The following SAMD12 variants were observed in gnomAD, a reference collection of about 807,000 sequenced individuals.
SAMD12 encodes the protein sterile alpha motif domain containing 12, also known as sterile alpha motif domain-containing protein 12.
Under a neutral mutation model 15.0 loss-of-function variants are expected in SAMD12, and 9 were observed. The ratio of observed to expected loss-of-function variants is 0.60; its 90% CI spans 0.36 to 1.05. The LOEUF (loss-of-function observed/expected upper bound fraction) is 1.05. SAMD12 is among the 50% of genes least tolerant of loss of function. SAMD12 has a pLI of 0.01. For missense variants in SAMD12, 230 were observed against 234.2 expected, an observed-to-expected ratio of 0.98 and a Z score of 0.12; for synonymous variants, 86 against 90.1, an observed-to-expected ratio of 0.96 and a Z score of 0.25.
chr8:118,558,795 G>A (rs1220414881), intron 2 of SAMD12, among the ~76,000 whole-genome samples: 3 of 151,700 alleles, frequency 2.0e-5, no homozygotes, highest in Non-Finnish European at 4.4e-5. Context: ...CTGACCTCGC[G>A]ATCCACCCGC....
At chr8:118,246,390 A>C (rs1198861930) in intron 4 of SAMD12, among the ~76,000 whole-genome samples, 1 of 152,162 alleles carries the variant, frequency 6.6e-6, no homozygotes, top group Non-Finnish European at 1.5e-5. Context: ...TTTTCTTTTC[A>C]TCAAGATATC....
intron 4 of SAMD12, among the ~76,000 whole-genome samples, chr8:118,294,111 G>T (rs957090761): frequency 6.6e-6 from 1 of 152,196 alleles, no homozygotes; most frequent in African/African-American, 2.4e-5. Flanking sequence ...GTCAGGTTAG[G>T]TGGGGAAAAC....
At chr8:118,604,286 T>C (rs1246411600) in intron 1 of SAMD12, among the ~76,000 whole-genome samples, 1 of 152,224 alleles carries the variant, frequency 6.6e-6, no homozygotes, top group Non-Finnish European at 1.5e-5. Context: ...AGAATATTTA[T>C]CTATATTTGT....
intron 2 of SAMD12, among the ~76,000 whole-genome samples, chr8:118,459,658 A>G (rs559595342): frequency 6.6e-6 from 1 of 152,318 alleles, no homozygotes; most frequent in South Asian, 2.1e-4. Flanking sequence ...TTGTTTAGTA[A>G]GTGGCCCCTA....
chr8:118,180,995 G>A, the SAMD12 span, among the ~76,000 whole-genome samples: 5 of 152,164 alleles, frequency 3.3e-5, no homozygotes, highest in East Asian at 5.8e-4. Flanking sequence ...TGTAAGATAA[G>A]CCAGAATTAA....
In SAMD12 at chr8:118,228,033, G is replaced by A. The variant is rs116371745; in HGVS notation, c.434-30301C>T. Among the ~76,000 whole-genome samples the A allele has an allele frequency of 3.3e-3, 498 of 152,294 alleles. 2 individuals are homozygous for A. Among genetic ancestry groups the A allele is most frequent in the African/African-American group, 0.011 (442 of 41,560 alleles). Reference sequence around the variant, plus strand: ...AAAGCAAACAAAAATGTAAAGTGAGGAAAGGACACCCTTTTCAACAAATGG... The same window carrying A: ...AAAGCAAACAAAAATGTAAAGTGAGAAAAGGACACCCTTTTCAACAAATGG... On this transcript the variant is annotated intron_variant, in intron 4 of 4. Transcript: ENST00000409003.
At chr8:118,561,983 G>A (rs1353356119) in intron 2 of SAMD12, among the ~76,000 whole-genome samples, 5 of 152,122 alleles carry the variant, frequency 3.3e-5, no homozygotes, top group Non-Finnish European at 5.9e-5. Context: ...CAGTAATTGA[G>A]TATAAAAGAA....
At chr8:118,175,580 T>C in the SAMD12 span, among the ~76,000 whole-genome samples, 2 of 152,100 alleles carry the variant, frequency 1.3e-5, no homozygotes, top group Non-Finnish European at 2.9e-5. Context: ...GAGAAAATAT[T>C]TACAAACTAT....
At position 118,487,654 on chromosome 8, in the gene SAMD12, T is replaced by C. The variant is rs140258286; in HGVS notation, c.193-47693A>G. 2.7e-3 allele frequency among the ~76,000 whole-genome samples: 407 copies of C among 152,330 alleles called. 7 individuals carry two copies. The highest frequency in any genetic ancestry group is 9.3e-3 in the African/African-American group (386 of 41,572). On this transcript the variant is annotated intron_variant, in intron 2 of 3. Transcript: ENST00000314727. ...AAGCACTTTCACAAATATTCTTTTG[T>C]TCCAGTTTCCCAAATGACCTCTTGA...
chr8:118,552,177 T>C (rs1284072946), intron 2 of SAMD12, among the ~76,000 whole-genome samples: 1 of 152,202 alleles, frequency 6.6e-6, no homozygotes, highest in East Asian at 1.9e-4. Context: ...ACTCATTTTA[T>C]GAGGCCAGCA....
rs1432459355 is a variant in SAMD12, at chr8:118,451,630, A to G, written c.193-11669T>C. Among the ~76,000 whole-genome samples, 6 of 152,228 alleles carry G rather than the reference A, an allele frequency of 3.9e-5. No individual in the cohort carries two copies. In the East Asian group the frequency reaches 1.2e-3, roughly 29 times the overall value. On this transcript the variant is annotated intron_variant, in intron 2 of 3. Coordinates refer to ENST00000314727, the MANE Select transcript of SAMD12 (RefSeq NM_207506.3). ...AGGGCTGATGGGCCCAAGGGATGTT[A>G]CGGTCACCATGCTGTTGGCACTGTG... is the stretch of plus-strand genomic sequence containing the variant.
chr8:118,176,594 A>T, the SAMD12 span, among the ~76,000 whole-genome samples: 1 of 152,216 alleles, frequency 6.6e-6, no homozygotes, highest in Non-Finnish European at 1.5e-5. Context: ...GTTCTCACTT[A>T]TAAGTGAGAG....
rs142385366 is a variant in SAMD12 at position 118,454,933 on chromosome 8, G to C, written c.193-14972C>G. 1.8e-3 allele frequency among the ~76,000 whole-genome samples: 273 copies of C among 152,328 alleles called. 1 individual carries two copies. Among genetic ancestry groups the C allele is most frequent in the Non-Finnish European group, 3.3e-3 (223 of 68,032 alleles). ...TCATTTCACTCAGCCTATTGTCCTA[G>C]AGGTTTCTTTATGTTGTGAAAAGTG... On this transcript the variant is annotated intron_variant, in intron 2 of 3. Coordinates refer to ENST00000314727, the MANE Select transcript of SAMD12 (RefSeq NM_207506.3).
intron 4 of SAMD12, among the ~76,000 whole-genome samples, chr8:118,264,254 T>C (rs1185725322): frequency 6.6e-6 from 1 of 152,114 alleles, no homozygotes; most frequent in African/African-American, 2.4e-5. Flanking sequence ...CTCCTCCACC[T>C]CTCTCTGTCC....
chr8:118,485,573 C>T (rs1239996468), intron 2 of SAMD12, among the ~76,000 whole-genome samples: 2 of 152,118 alleles, frequency 1.3e-5, no homozygotes, highest in African/African-American at 4.8e-5. Flanking sequence ...AGTCAATTGG[C>T]AAAATGCATA....
chr8:118,197,414 G>C, exon 5 of SAMD12: 4 of 493,140 alleles, frequency 8.1e-6, no homozygotes, highest in Non-Finnish European at 1.1e-5. Context: ...TCCCCAAAGG[G>C]AACTTGAGTT....
intron 4 of SAMD12, among the ~76,000 whole-genome samples, chr8:118,286,392 T>G (rs1814020174): frequency 6.6e-6 from 1 of 152,212 alleles, no homozygotes. Flanking sequence ...CTTGTTTCTT[T>G]GTTGGGTCTT....
At chr8:118,301,412 G>A (rs1327591626) in intron 4 of SAMD12, among the ~76,000 whole-genome samples, 3 of 152,162 alleles carry the variant, frequency 2.0e-5, no homozygotes, top group African/African-American at 4.8e-5. Flanking sequence ...AGGGTGGGCC[G>A]TTCAAAGCCA....
chr8:118,367,974 A>G (rs1170985545), intron 4 of SAMD12, among the ~76,000 whole-genome samples: 1 of 152,216 alleles, frequency 6.6e-6, no homozygotes, highest in East Asian at 1.9e-4. Flanking sequence ...CGAAACAGGA[A>G]AAGATGCTAA....
Sources: gnomAD v4.1 joint callset for allele counts (sites outside exome capture counted in the v4.1 genomes callset) on GRCh38, gnomAD v4.1.1 for gene constraint, MANE v1.5 for transcripts, NCBI Gene and HGNC (gene_info 2026-07-23, HGNC 2026-07-21) for gene names.